PEX7: variants seen among roughly 807,000 people sequenced by gnomAD.
PEX7 encodes the protein peroxisomal biogenesis factor 7, also known as PTS2 receptor.
A neutral mutation model predicts 47.5 loss-of-function variants in PEX7; 34 were observed. The ratio of observed to expected loss-of-function variants is 0.72; its 90% CI spans 0.54 to 0.95. The LOEUF is 0.95. PEX7 is among the 40% of genes least tolerant of loss of function. The pLI, the probability that PEX7 is intolerant of heterozygous loss-of-function variation, is 0.00. For missense variants in PEX7, 394 were observed against 400.3 expected (o/e 0.98, Z 0.13); for synonymous variants, 141 against 148.8 (o/e 0.95, Z 0.38).
chr6:136,871,342 C>T (rs895258837), intron 7 of PEX7, among the ~76,000 whole-genome samples: 59 of 152,172 alleles, frequency 3.9e-4, no homozygotes, highest in African/African-American at 1.3e-3. Flanking sequence ...TTTAAACTTG[C>T]TTTTTACCCT....
chr6:136,894,597 A>G (rs1424530396), intron 8 of PEX7, among the ~76,000 whole-genome samples: 3 of 152,342 alleles, frequency 2.0e-5, no homozygotes, highest in East Asian at 3.9e-4. Context: ...CTCAAAAAAA[A>G]TAAAAGTAAT....
intron 9 of PEX7, among the ~76,000 whole-genome samples, chr6:136,905,357 C>T (rs1375319766): frequency 2.0e-5 from 3 of 152,226 alleles, no homozygotes; most frequent in East Asian, 1.9e-4. Context: ...TGTCCTGTCA[C>T]ACTATCAGTA....
intron 6 of PEX7, among the ~76,000 whole-genome samples, chr6:136,869,058 G>C (rs1026906381): frequency 9.2e-5 from 14 of 151,918 alleles, no homozygotes; most frequent in Non-Finnish European, 2.1e-4. Flanking sequence ...GCCTTTTAAT[G>C]CCTGGAAAAA....
At chr6:136,823,591 TAAAAAG>T (rs1394597980) in intron 1 of PEX7, among the ~76,000 whole-genome samples, 1 of 151,816 alleles carries the variant, frequency 6.6e-6, no homozygotes, top group African/African-American at 2.4e-5. Flanking sequence ...GACCCCGTCT[TAAAAAG>T]AAAAAAGGCC....
At chr6:136,867,011 TCTTTATTGCTCTTAA>T (rs1044293223) in intron 6 of PEX7, among the ~76,000 whole-genome samples, 1 of 152,244 alleles carries the variant, frequency 6.6e-6, no homozygotes, top group Non-Finnish European at 1.5e-5. Context: ...GTAATTTTTT[TCTTTATTGCTCTTAA>T]CCCTGCAATT....
chr6:136,912,099 T>C (rs1335188453), intron 9 of PEX7, among the ~76,000 whole-genome samples: 6 of 152,214 alleles, frequency 3.9e-5, no homozygotes, highest in African/African-American at 1.4e-4. Flanking sequence ...AGATTGCCTT[T>C]TATTATTGAG....
chr6:136,886,647 A>T (rs1719837821), intron 8 of PEX7, among the ~76,000 whole-genome samples: 1 of 152,160 alleles, frequency 6.6e-6, no homozygotes, highest in Non-Finnish European at 1.5e-5. Flanking sequence ...AGGAATTTTC[A>T]TTGCACTGTG....
intron 8 of PEX7, among the ~76,000 whole-genome samples, chr6:136,888,325 T>A (rs1775501711): frequency 1.3e-5 from 2 of 152,204 alleles, no homozygotes; most frequent in Non-Finnish European, 2.9e-5. Context: ...TAAGAAATCA[T>A]GTGGCTAATG....
chr6:136,834,577 G>T (rs144826299), intron 3 of PEX7, among the ~76,000 whole-genome samples: 4 of 152,332 alleles, frequency 2.6e-5, no homozygotes, highest in African/African-American at 9.6e-5. Context: ...GAAAGAGCGT[G>T]GCATGTCCAC....
intron 8 of PEX7, among the ~76,000 whole-genome samples, chr6:136,873,673 T>C (rs1420570035): frequency 6.6e-6 from 1 of 152,182 alleles, no homozygotes; most frequent in African/African-American, 2.4e-5. Context: ...TGCTAAATAG[T>C]TTATAGAGAA....
intron 8 of PEX7, among the ~76,000 whole-genome samples, chr6:136,878,917 T>C (rs1775326668): frequency 6.6e-6 from 1 of 152,176 alleles, no homozygotes; most frequent in African/African-American, 2.4e-5. Flanking sequence ...TTATATGTTT[T>C]AGTGGTTGCC....
chr6:136,866,812 G>A, intron 6 of PEX7, 79 bp downstream of exon 6: 3 of 1,192,106 alleles, frequency 2.5e-6, no homozygotes, highest in Non-Finnish European at 3.7e-6. Context: ...CTTTGTTTAT[G>A]TGGACTTTGG....
chr6:136,863,656 C>T (rs1193155673), intron 5 of PEX7, among the ~76,000 whole-genome samples: 1 of 152,000 alleles, frequency 6.6e-6, no homozygotes, highest in Non-Finnish European at 1.5e-5. Context: ...ACCTGTAATC[C>T]CCTCACTTTG....
In PEX7 at chr6:136,905,208, A is replaced by G. The variant is rs548442670; in HGVS notation, c.903+6967A>G. Among the ~76,000 whole-genome samples the G allele has an allele frequency of 6.6e-5, 10 of 151,654 alleles. No individual in the cohort carries two copies. The South Asian group carries it at 1.7e-3, about 25-fold the overall frequency. ...CCCAAAAGGTTTGCATTTTATCTCT[A>G]TTTTTTTCCCATTCTTCCAGTGGGT... On this transcript the variant is annotated intron_variant, in intron 9 of 9. Transcript: ENST00000318471.
intron 3 of PEX7, among the ~76,000 whole-genome samples, chr6:136,833,274 A>C (rs1232834239): frequency 6.6e-6 from 1 of 152,188 alleles, no homozygotes; most frequent in African/African-American, 2.4e-5. Flanking sequence ...GCATCAGATC[A>C]CATGAAAACT....
chr6:136,829,070 T>G (rs997187329), intron 3 of PEX7, among the ~76,000 whole-genome samples: 1 of 152,244 alleles, frequency 6.6e-6, no homozygotes, highest in Non-Finnish European at 1.5e-5. Flanking sequence ...TAGAAAACAA[T>G]TAAATGGCTT....
In PEX7 at chr6:136,822,736, T is replaced by G; in HGVS notation, c.71T>G (p.Phe24Cys). 2 of 1,510,744 alleles carry G rather than the reference T, an allele frequency of 1.3e-6. No homozygotes were observed. Among genetic ancestry groups the G allele is most frequent in the Non-Finnish European group, 1.8e-6 (2 of 1,136,682 alleles). The allele number at this position is 1,510,744 out of a possible 1,614,324, so 93.6% of individuals were successfully genotyped here. The change falls in exon 1 of 10, where the codon TTC (phenylalanine) becomes TGC (cysteine). Residue 24 changes from phenylalanine (F) to cysteine (C), a missense_variant. Physicochemically the swap from Phe to Cys is radical, Grantham distance 205. Coordinates refer to ENST00000318471, the MANE Select transcript of PEX7 (RefSeq NM_000288.4). ...GGACGCCACGGCTACGCCGCCGAGT[T>G]CTCCCCGTACCTGCCGGGCCGCCTG... is the stretch of plus-strand genomic sequence containing the variant. Reference protein sequence around the residue: ...TPGRHGYAAEFSPYLPGRLAC... With the variant: ...TPGRHGYAAECSPYLPGRLAC...
rs962257176 is a variant in PEX7 at position 136,822,629 on chromosome 6, G to A, written c.-37G>A. 6.6e-7 allele frequency: 1 copy of A among 1,520,268 alleles called. No homozygotes were observed. The highest frequency in any genetic ancestry group is 8.8e-7 in the Non-Finnish European group (1 of 1,136,622). The allele number at this position is 1,520,268 out of a possible 1,614,324, so 94.2% of individuals were successfully genotyped here. On this transcript the variant is annotated 5_prime_UTR_variant, in exon 1 of 10. Transcript: ENST00000318471. ...GTGCCTCCGACTCGGAACGGCTTCCGCGGCCGGGGCAGCGAGGGCCGGGGG... is the reference window on the plus strand; with the variant it reads ...GTGCCTCCGACTCGGAACGGCTTCCACGGCCGGGGCAGCGAGGGCCGGGGG...
At chr6:136,886,154 T>C (rs766102815) in intron 8 of PEX7, among the ~76,000 whole-genome samples, 21 of 152,224 alleles carry the variant, frequency 1.4e-4, no homozygotes, top group Non-Finnish European at 3.1e-4. Context: ...CAGCCCCATC[T>C]AGCCTTTTGT....
Sources: gnomAD v4.1 joint callset for allele counts (sites outside exome capture counted in the v4.1 genomes callset) on GRCh38, gnomAD v4.1.1 for gene constraint, MANE v1.5 for transcripts, NCBI Gene and HGNC (gene_info 2026-07-23, HGNC 2026-07-21) for gene names.